The following CADM2 variants were observed in gnomAD, a reference collection of about 807,000 sequenced individuals.
The protein encoded by CADM2 is immunoglobulin superfamily member 4D.
A neutral mutation model predicts 49.8 loss-of-function variants in CADM2; 12 were observed. That is an observed-to-expected ratio of 0.24 (90% CI 0.15 to 0.39). The LOEUF (loss-of-function observed/expected upper bound fraction) is 0.39. Among genes scored for constraint, CADM2 ranks in the 10% least tolerant of loss-of-function variants. The pLI, the probability that CADM2 is intolerant of heterozygous loss-of-function variation, is 1.00. For synonymous variants in CADM2, 214 were observed against 175.4 expected (o/e 1.22, Z -1.74); for missense variants, 378 against 492.3 (o/e 0.77, Z 2.20).
chr3:85,044,655 A>G (rs2035577835), intron 1 of CADM2, among the ~76,000 whole-genome samples: 1 of 152,316 alleles, frequency 6.6e-6, no homozygotes, highest in Non-Finnish European at 1.5e-5. Flanking sequence ...GGAATGAATT[A>G]CCAACCAGAC....
chr3:85,369,034 T>C lies in CADM2; in HGVS notation c.62-357488T>C, dbSNP rs140833243. ...TAGAAATAGCATTTCCAGAAGTGAT[T>C]TCTTTCTTCTTATGTCTTCCTTCTA... is the stretch of plus-strand genomic sequence containing the variant. On this transcript the variant is annotated intron_variant, in intron 1 of 9. Transcript: ENST00000383699. Among the ~76,000 whole-genome samples the C allele has an allele frequency of 8.5e-5, 13 of 152,338 alleles. No individual in the cohort carries two copies. The East Asian group carries it at 2.5e-3, about 29-fold the overall frequency.
At chr3:85,260,903 A>G (rs1247668463) in intron 1 of CADM2, among the ~76,000 whole-genome samples, 1 of 152,168 alleles carries the variant, frequency 6.6e-6, no homozygotes, top group Non-Finnish European at 1.5e-5. Flanking sequence ...GGATATCTCT[A>G]ATCAGTGGAG....
intron 1 of CADM2, among the ~76,000 whole-genome samples, chr3:85,422,467 C>T (rs1189871377): frequency 2.6e-5 from 4 of 151,984 alleles, no homozygotes; most frequent in East Asian, 1.9e-4. Flanking sequence ...TTAGTAGAGA[C>T]GGGGTTTCAC....
At chr3:85,665,570 T>C (rs539276651) in intron 1 of CADM2, among the ~76,000 whole-genome samples, 3 of 152,134 alleles carry the variant, frequency 2.0e-5, no homozygotes, top group South Asian at 2.1e-4. Context: ...CTCATTACTT[T>C]GCTACCAATA....
chr3:85,697,455 T>G (rs149530600), intron 1 of CADM2, among the ~76,000 whole-genome samples: 1 of 152,216 alleles, frequency 6.6e-6, no homozygotes, highest in East Asian at 1.9e-4. Context: ...TTCTCTTAAT[T>G]GAATATTAGT....
intron 1 of CADM2, among the ~76,000 whole-genome samples, chr3:85,158,144 C>T (rs1009123248): frequency 6.6e-6 from 1 of 152,154 alleles, no homozygotes; most frequent in South Asian, 2.1e-4. Flanking sequence ...CAATGAGATA[C>T]CATCTCACAC....
At chr3:85,382,301 A>G (rs1233775734) in intron 1 of CADM2, among the ~76,000 whole-genome samples, 1 of 152,158 alleles carries the variant, frequency 6.6e-6, no homozygotes, top group South Asian at 2.1e-4. Context: ...AAAGGCCTCT[A>G]TGAGGTGTAA....
intron 1 of CADM2, among the ~76,000 whole-genome samples, chr3:85,136,856 T>G (rs1328912614): frequency 6.6e-6 from 1 of 152,022 alleles, no homozygotes; most frequent in Admixed American, 6.5e-5. Flanking sequence ...TACTACCTTT[T>G]GACATTTTGT....
chr3:85,619,073 A>G (rs1026698673), intron 1 of CADM2, among the ~76,000 whole-genome samples: 3 of 151,856 alleles, frequency 2.0e-5, no homozygotes, highest in African/African-American at 2.4e-5. Flanking sequence ...ATTAAAACAC[A>G]GTTATGCAAT....
At chr3:86,066,622 C>T (rs1230205859) in intron 9 of CADM2, 43 bp from the exon 10 acceptor site, 11 of 1,392,170 alleles carry the variant, frequency 7.9e-6, no homozygotes, top group South Asian at 1.2e-5. Flanking sequence ...GGGTATTTTA[C>T]CAGTCTCACA....
intron 1 of CADM2, among the ~76,000 whole-genome samples, chr3:85,623,207 G>A (rs55964300): frequency 0.23 from 34,401 of 151,926 alleles, 6,766 homozygotes; most frequent in African/African-American, 0.54. Flanking sequence ...AGCTACATAC[G>A]ACTTTCTTCC....
intron 1 of CADM2, among the ~76,000 whole-genome samples, chr3:85,551,969 A>G (rs77600570): frequency 0.051 from 7,679 of 151,672 alleles, 663 homozygotes; most frequent in African/African-American, 0.17. Context: ...TATTTTTGTG[A>G]TTATATACAC....
intron 2 of CADM2, 55 bp from the exon 3 acceptor site, chr3:85,801,992 A>ACC: frequency 7.7e-7 from 1 of 1,293,874 alleles, no homozygotes; most frequent in Non-Finnish European, 1.0e-6. Flanking sequence ...GATCTTAGGC[A>ACC]GTTAATCATT....
intron 1 of CADM2, among the ~76,000 whole-genome samples, chr3:85,613,579 C>A (rs570721476): frequency 6.6e-6 from 1 of 151,328 alleles, no homozygotes; most frequent in Non-Finnish European, 1.5e-5. Context: ...CCAGGGTTCA[C>A]GAGGCAGAAT....
intron 1 of CADM2, among the ~76,000 whole-genome samples, chr3:85,359,941 A>G (rs2032232427): frequency 6.6e-6 from 1 of 151,486 alleles, no homozygotes; most frequent in Admixed American, 6.6e-5. Flanking sequence ...TCATACAATT[A>G]ACTCTCCATT....
intron 1 of CADM2, among the ~76,000 whole-genome samples, chr3:85,212,848 T>TTCTTTCTTTCTC (rs2041819012): frequency 8.6e-6 from 1 of 115,928 alleles, no homozygotes; most frequent in Non-Finnish European, 1.7e-5. Context: ...CTTTCTTTCT[T>TTCTTTCTTTCTC]TCTTTCTTTC....
intron 3 of CADM2, among the ~76,000 whole-genome samples, chr3:85,866,094 C>T (rs1007209053): frequency 6.6e-5 from 10 of 151,950 alleles, no homozygotes; most frequent in South Asian, 2.1e-4. Context: ...GCCCACATGG[C>T]GCCATTGCAC....
chr3:85,358,478 A>G (rs1004958968), intron 1 of CADM2, among the ~76,000 whole-genome samples: 1 of 152,112 alleles, frequency 6.6e-6, no homozygotes, highest in African/African-American at 2.4e-5. Context: ...AGAACAGCAA[A>G]CTAGGCAGAT....
At chr3:85,531,776 A>G (rs1306853996) in intron 1 of CADM2, among the ~76,000 whole-genome samples, 1 of 152,228 alleles carries the variant, frequency 6.6e-6, no homozygotes, top group Non-Finnish European at 1.5e-5. Flanking sequence ...AAAAAAGTAT[A>G]TGAAATCAAA....
Sources: allele counts gnomAD v4.1 joint callset (sites outside exome capture counted in the v4.1 genomes callset), GRCh38; gene constraint gnomAD v4.1.1; transcripts MANE v1.5; gene names NCBI Gene and HGNC (gene_info 2026-07-23, HGNC 2026-07-21).